Variants in B3GALT1 observed in about 807,000 individuals in gnomAD.
The protein encoded by B3GALT1 is beta-1,3-galactosyltransferase 1, also known as UDP-Gal:betaGlcNAc beta 1,3-galactosyltransferase, polypeptide 1.
In B3GALT1, 10 loss-of-function variants were observed where a neutral mutation model predicts 23.2. That is an observed-to-expected ratio of 0.43 (90% confidence interval 0.27 to 0.73). The LOEUF is 0.73. Among genes scored for constraint, B3GALT1 ranks in the 30% least tolerant of loss-of-function variants. B3GALT1 has a pLI of 0.21. For synonymous variants in B3GALT1, 156 were observed against 141.5 expected (o/e 1.10, Z -0.73); for missense variants, 299 against 405.4 (o/e 0.74, Z 2.25).
At chr2:167,471,659 A>G (rs1699419569) in intron 1 of B3GALT1, among the ~76,000 whole-genome samples, 1 of 152,214 alleles carries the variant, frequency 6.6e-6, no homozygotes, top group African/African-American at 2.4e-5. Context: ...ATTCAACAGT[A>G]TAAAAAAAAT....
chr2:167,389,909 C>CAAAAAAAAAA (rs141871874), intron 1 of B3GALT1, among the ~76,000 whole-genome samples: 1 of 112,586 alleles, frequency 8.9e-6, no homozygotes, highest in Non-Finnish European at 1.6e-5. Context: ...ATACCCTGTC[C>CAAAAAAAAAA]AAAAAAAAAA....
intron 4 of B3GALT1, among the ~76,000 whole-genome samples, chr2:167,866,063 A>G (rs1009479098): frequency 6.6e-6 from 1 of 151,962 alleles, no homozygotes; most frequent in African/African-American, 2.4e-5. Context: ...GCCCTTGCAT[A>G]TGCTGTTTCC....
chr2:167,807,933 G>C (rs1230394142), intron 3 of B3GALT1, among the ~76,000 whole-genome samples: 1 of 152,146 alleles, frequency 6.6e-6, no homozygotes, highest in Non-Finnish European at 1.5e-5. Context: ...TTGTGTGGGA[G>C]TCTAAGTCTC....
At chr2:167,858,735 A>C (rs1198454573) in intron 4 of B3GALT1, among the ~76,000 whole-genome samples, 1 of 152,168 alleles carries the variant, frequency 6.6e-6, no homozygotes, top group African/African-American at 2.4e-5. Flanking sequence ...CAGCTACATA[A>C]AATTATGTTT....
At chr2:167,558,066 G>C (rs1388587200) in intron 2 of B3GALT1, 1 of 152,202 alleles carries the variant, frequency 6.6e-6, no homozygotes, top group African/African-American at 2.4e-5. Context: ...GATAAAAGGA[G>C]TAATACTGAG....
intron 3 of B3GALT1, among the ~76,000 whole-genome samples, chr2:167,742,208 C>G (rs1205035778): frequency 6.6e-6 from 1 of 152,120 alleles, no homozygotes; most frequent in African/African-American, 2.4e-5. Context: ...TTTAAGATTG[C>G]TTTAAGTGTA....
chr2:167,576,440 C>T (rs1684387963), intron 2 of B3GALT1, among the ~76,000 whole-genome samples: 1 of 151,084 alleles, frequency 6.6e-6, no homozygotes, highest in Admixed American at 6.6e-5. Flanking sequence ...TGAAAAGGCA[C>T]AGGCTAAGGA....
intron 3 of B3GALT1, among the ~76,000 whole-genome samples, chr2:167,711,009 C>G (rs1351448483): frequency 6.6e-6 from 1 of 152,152 alleles, no homozygotes; most frequent in Non-Finnish European, 1.5e-5. Flanking sequence ...CTCACTCTGC[C>G]TACAAGGCCC....
chr2:167,758,308 C>G (rs1468591736), intron 3 of B3GALT1, among the ~76,000 whole-genome samples: 1 of 152,178 alleles, frequency 6.6e-6, no homozygotes, highest in Admixed American at 6.5e-5. Context: ...TAGATCACAG[C>G]TCCTATAGAC....
intron 2 of B3GALT1, among the ~76,000 whole-genome samples, chr2:167,541,148 C>G (rs951539635): frequency 3.8e-4 from 58 of 152,066 alleles, no homozygotes; most frequent in African/African-American, 1.3e-3. Flanking sequence ...ACTTCTTTTT[C>G]TATCACTGCA....
intron 1 of B3GALT1, among the ~76,000 whole-genome samples, chr2:167,387,716 A>G (rs144012089): frequency 1.3e-5 from 2 of 152,310 alleles, no homozygotes; most frequent in African/African-American, 4.8e-5. Flanking sequence ...ACGTGCATTT[A>G]ATTTAGGTTA....
intron 1 of B3GALT1, among the ~76,000 whole-genome samples, chr2:167,460,321 G>C (rs960138299): frequency 6.6e-6 from 1 of 151,904 alleles, no homozygotes; most frequent in Non-Finnish European, 1.5e-5. Context: ...TGTTTTTCAG[G>C]CTTGATAATT....
chr2:167,647,708 C>G (rs1685773005), intron 3 of B3GALT1, among the ~76,000 whole-genome samples: 2 of 152,044 alleles, frequency 1.3e-5, no homozygotes, highest in African/African-American at 4.8e-5. Context: ...TTGTTCATGC[C>G]ACAGATCTAG....
intron 2 of B3GALT1, among the ~76,000 whole-genome samples, chr2:167,598,842 T>C (rs1040954949): frequency 2.6e-5 from 4 of 152,224 alleles, no homozygotes; most frequent in Non-Finnish European, 5.9e-5. Flanking sequence ...TTAAGGCTTT[T>C]CACAATAAAC....
At chr2:167,664,820 G>C (rs2105476383) in intron 3 of B3GALT1, among the ~76,000 whole-genome samples, 1 of 151,294 alleles carries the variant, frequency 6.6e-6, no homozygotes, top group South Asian at 2.1e-4. Context: ...TTTGTATCCT[G>C]AGACTTTGCT....
intron 4 of B3GALT1, among the ~76,000 whole-genome samples, chr2:167,865,653 G>C (rs973555844): frequency 2.0e-5 from 3 of 151,994 alleles, no homozygotes; most frequent in African/African-American, 7.2e-5. Flanking sequence ...TTAGCCAGGC[G>C]TGGTGGCGGG....
intron 1 of B3GALT1, among the ~76,000 whole-genome samples, chr2:167,389,623 G>T (rs1337264154): frequency 1.3e-5 from 2 of 152,104 alleles, no homozygotes; most frequent in Admixed American, 6.5e-5. Context: ...GTGATGGTAG[G>T]GTGAACTAGA....
intron 1 of B3GALT1, among the ~76,000 whole-genome samples, chr2:167,368,991 A>G (rs1387410111): frequency 6.6e-6 from 1 of 152,006 alleles, no homozygotes; most frequent in Non-Finnish European, 1.5e-5. Context: ...AATTAGCTTG[A>G]CAGTTATCAC....
intron 3 of B3GALT1, among the ~76,000 whole-genome samples, chr2:167,732,876 C>T (rs910874639): frequency 3.9e-5 from 6 of 152,256 alleles, no homozygotes; most frequent in Non-Finnish European, 5.9e-5. Flanking sequence ...TGTTAACAGC[C>T]AGCACTTTGA....
Sources: allele counts gnomAD v4.1 joint callset (sites outside exome capture counted in the v4.1 genomes callset), GRCh38; gene constraint gnomAD v4.1.1; transcripts MANE v1.5; gene names NCBI Gene and HGNC (gene_info 2026-07-23, HGNC 2026-07-21).